The following NASP variants were observed in gnomAD, a reference collection of about 807,000 sequenced individuals.
NASP encodes the protein NASP histone chaperone.
NASP carries 24 observed loss-of-function variants against 89.5 expected under a neutral mutation model. The observed-to-expected ratio is 0.27, with a 90% confidence interval of 0.19 to 0.38. The LOEUF (loss-of-function observed/expected upper bound fraction) is 0.38, where lower values mean the gene tolerates loss of function less well. Ranked by LOEUF, NASP falls within the 10% of genes least tolerant of loss-of-function variation. NASP has a pLI of 1.00. For missense variants in NASP, 848 were observed against 921.4 expected, an observed-to-expected ratio of 0.92 and a Z score of 1.03; for synonymous variants, 306 against 324.7, an observed-to-expected ratio of 0.94 and a Z score of 0.62.
At chr1:45,602,892 T>C (rs552045709) in intron 3 of NASP, among the ~76,000 whole-genome samples, 52 of 152,254 alleles carry the variant, frequency 3.4e-4, no homozygotes, top group African/African-American at 1.2e-3. Flanking sequence ...CCAGAGTGCT[T>C]TGCAAAGGGA....
At chr1:45,596,312 T>C (rs1643693590) in intron 2 of NASP, among the ~76,000 whole-genome samples, 1 of 152,174 alleles carries the variant, frequency 6.6e-6, no homozygotes, top group Non-Finnish European at 1.5e-5. Context: ...CACATTGTCG[T>C]ATACCCAATC....
At position 45,584,065 on chromosome 1, in the gene NASP, T is replaced by A. The variant is rs946367609; in HGVS notation, c.-82T>A. On this transcript the variant is annotated 5_prime_UTR_variant, in exon 1 of 15. Coordinates refer to ENST00000350030, the MANE Select transcript of NASP (RefSeq NM_002482.4). Reference sequence around the variant, plus strand: ...TCTCTAATCTGCCATTTTCTGTCCCTGAGTGAGTCTCTGGCGTCCCAAATT... The same window carrying A: ...TCTCTAATCTGCCATTTTCTGTCCCAGAGTGAGTCTCTGGCGTCCCAAATT... 1 of 1,345,714 alleles carries A rather than the reference T, an allele frequency of 7.4e-7. No individual in the cohort carries two copies. Among genetic ancestry groups the A allele is most frequent in the South Asian group, 1.3e-5 (1 of 78,220 alleles). The allele number at this position is 1,345,714 out of a possible 1,614,324, so 83.4% of individuals were successfully genotyped here. A position where few individuals can be genotyped will look rare whatever the true frequency, so the allele number is the denominator to read the frequency against.
rs1391462016 is a variant in NASP, at chr1:45,618,264, G to T, written c.*123G>T. 6.3e-6 allele frequency: 5 copies of T among 796,596 alleles called. No homozygotes were observed. The highest frequency in any genetic ancestry group is 2.9e-5 in the East Asian group (1 of 34,580). The allele number at this position is 796,596 out of a possible 1,614,324, so 49.3% of individuals were successfully genotyped here. A position where few individuals can be genotyped will look rare whatever the true frequency, so the allele number is the denominator to read the frequency against. On this transcript the variant is annotated 3_prime_UTR_variant, in exon 15 of 15. Coordinates refer to ENST00000350030, the MANE Select transcript of NASP (RefSeq NM_002482.4). Reference sequence around the variant, plus strand: ...GTAAGCAAAGGTTGAGGCTTTGATGGTTTTTTTCTTAATTATTGGCTGAAT... The same window carrying T: ...GTAAGCAAAGGTTGAGGCTTTGATGTTTTTTTTCTTAATTATTGGCTGAAT...
intron 2 of NASP, among the ~76,000 whole-genome samples, chr1:45,595,516 T>G (rs1643674321): frequency 6.6e-6 from 1 of 152,190 alleles, no homozygotes; most frequent in Non-Finnish European, 1.5e-5. Context: ...ATGCTCTTAT[T>G]CAGCAGTTCT....
In NASP at chr1:45,607,401, T is replaced by C. The variant is rs750891273; in HGVS notation, c.490T>C (p.Ser164Pro). ...AGAAGCCAAAAAAACAGAAGACAAG[T>C]CTTTGGCAAAGCCTGAAACTGATAA... ...KEEAKKTEDK[S>P]LAKPETDKEQ... Residue 164 changes from serine to proline, a missense_variant, in exon 6 of 15, where the codon TCT becomes CCT. Ser to Pro is a moderately conservative substitution (Grantham distance 74, BLOSUM62 -1). This residue lies in a region of NASP where 464 missense variants were observed against 469.4 expected (regional missense o/e 0.99). Transcript: ENST00000350030. 1.2e-6 allele frequency: 2 copies of C among 1,613,834 alleles called. No homozygotes were observed. Among genetic ancestry groups the C allele is most frequent in the Non-Finnish European group, 8.5e-7 (1 of 1,179,940 alleles).
Position 45,607,327 on chromosome 1 carries a change from C to T in NASP, c.416C>T (p.Ala139Val). 3 of 1,613,382 alleles carry T rather than the reference C, an allele frequency of 1.9e-6. No individual in the cohort carries two copies. Among genetic ancestry groups the T allele is most frequent in the Non-Finnish European group, 2.5e-6 (3 of 1,179,784 alleles). Residue 139 changes from alanine to valine, a missense_variant, in exon 6 of 15, where the codon GCA (alanine) becomes GTA (valine). Physicochemically the swap from Ala to Val is moderately conservative, Grantham distance 64. Around this residue, in one of 5 missense-constraint regions of NASP, gnomAD observed 464 missense variants for 469.4 expected, o/e 0.99. Transcript: ENST00000350030. ...VENNDNIDEE[A>V]REELREQVYD... ...ATGTTCTTTAACCATGTAGAGGAAG[C>T]AAGGGAAGAGTTGAGAGAACAGGTT... is the stretch of plus-strand genomic sequence containing the variant.
intron 1 of NASP, among the ~76,000 whole-genome samples, chr1:45,590,563 A>AAAAAAG (rs898097768): frequency 1.3e-5 from 2 of 151,232 alleles, no homozygotes; most frequent in African/African-American, 4.8e-5. Context: ...AAAAAAAAAA[A>AAAAAAG]AAAAGAAAAG....
chr1:45,606,370 T>A, intron 4 of NASP, 112 bp from the exon 5 acceptor site: 1 of 673,882 alleles, frequency 1.5e-6, no homozygotes, highest in African/African-American at 1.8e-5. Context: ...TTGTATTGCC[T>A]GCGCTTGGCT....
rs1643933071 is a variant in NASP, at chr1:45,607,737, G to A, written c.826G>A (p.Glu276Lys). 6.2e-7 allele frequency: 1 copy of A among 1,614,042 alleles called. No individual in the cohort carries two copies. Among genetic ancestry groups the A allele is most frequent in the Admixed American group, 1.7e-5 (1 of 60,006 alleles). Residue 276 changes from glutamate to lysine, a missense_variant, in exon 6 of 15, where the codon GAA (glutamate) becomes AAA (lysine). Glu to Lys is a moderately conservative substitution (Grantham distance 56, BLOSUM62 1). Around this residue, in one of 5 missense-constraint regions of NASP, gnomAD observed 464 missense variants for 469.4 expected, o/e 0.99. Coordinates refer to ENST00000350030, the MANE Select transcript of NASP (RefSeq NM_002482.4). ...VIVSIEEKPK[E>K]VSEEQPVVTL... ...TGTGAGCATAGAGGAGAAGCCAAAA[G>A]AAGTTTCAGAAGAGCAGCCTGTGGT...
At chr1:45,584,332 TTCGG>T (rs57257530) in intron 1 of NASP, 127 bp downstream of exon 1, 605,334 of 867,408 alleles carry the variant, frequency 0.7, 211,222 homozygotes, top group Non-Finnish European at 0.7. Context: ...GCTGTCGCTG[TTCGG>T]GAAGGCCTGG....
rs1375366938 is a variant in NASP, at chr1:45,599,951, G to GTTTTTTTTTTTTTTTT, written c.108-2303_108-2302insTTTTTTTTTTTTTTTT. Among the ~76,000 whole-genome samples, 6 of 101,936 alleles carry GTTTTTTTTTTTTTTTT rather than the reference G, an allele frequency of 5.9e-5. 1 individual carries two copies. Among genetic ancestry groups the GTTTTTTTTTTTTTTTT allele is most frequent in the African/African-American group, 2.2e-4 (5 of 23,180 alleles). 66.9% of individuals were successfully genotyped at this position (101,936 alleles called of 152,430 possible). ...CTCTGTCCTAGAGTGCTTTTCCTCTGTATTTTTTTTTTTTTTTTTTTTTTG... is the reference window on the plus strand; with the variant it reads ...CTCTGTCCTAGAGTGCTTTTCCTCTGTTTTTTTTTTTTTTTTTATTTTTTTTTTTTTTTTTTTTTTG... On this transcript the variant is annotated intron_variant, in intron 2 of 14. Coordinates refer to ENST00000350030, the MANE Select transcript of NASP (RefSeq NM_002482.4).
In NASP at chr1:45,618,224, A is replaced by C. The variant is rs889128260; in HGVS notation, c.*83A>C. On this transcript the variant is annotated 3_prime_UTR_variant, in exon 15 of 15. Transcript: ENST00000350030. Reference sequence around the variant, plus strand: ...ACTTTTGGAGGATTCTTTTTGTATAACTTCAATAAAGATTGTAAGCAAAGG... The same window carrying C: ...ACTTTTGGAGGATTCTTTTTGTATACCTTCAATAAAGATTGTAAGCAAAGG... The C allele has an allele frequency of 1.7e-5, 19 of 1,115,090 alleles. No individual in the cohort carries two copies. The African/African-American group carries it at 1.9e-4, about 11-fold the overall frequency. 69.1% of individuals were successfully genotyped at this position (1,115,090 alleles called of 1,614,324 possible). A position where few individuals can be genotyped will look rare whatever the true frequency, so the allele number is the denominator to read the frequency against.
chr1:45,606,922 G>A (rs375567931), intron 5 of NASP, among the ~76,000 whole-genome samples: 7 of 152,140 alleles, frequency 4.6e-5, no homozygotes, highest in African/African-American at 1.7e-4. Flanking sequence ...TAAACAGCCT[G>A]TGCAGTTCAG....
intron 12 of NASP, 88 bp downstream of exon 12, chr1:45,616,481 C>T: frequency 1.3e-6 from 2 of 1,525,382 alleles, no homozygotes; most frequent in Admixed American, 1.7e-5. Context: ...GAGGCCAAGG[C>T]AGGAAGATTG....
Position 45,615,438 on chromosome 1 carries a change from G to A in NASP, c.1989G>A (p.Gly663=). Residue 663 remains glycine, a synonymous_variant, in exon 11 of 15, where the codon GGG becomes GGA. Coordinates refer to ENST00000350030, the MANE Select transcript of NASP (RefSeq NM_002482.4). ...IEDAKESQRS[G]NVAELALKAT... is the part of the protein sequence containing the mutation. ...ATGCAAAGGAGTCTCAGCGTAGTGG[G>A]AATGTAGCTGAACTGGCTCTGAAAG... is the stretch of plus-strand genomic sequence containing the variant. 6.2e-7 allele frequency: 1 copy of A among 1,613,862 alleles called. No homozygotes were observed. The highest frequency in any genetic ancestry group is 1.3e-5 in the African/African-American group (1 of 75,002).
At position 45,602,603 on chromosome 1, in the gene NASP, A is replaced by ACACCTTACC. The variant is rs534980549; in HGVS notation, c.218+244_218+245insACCCACCTT. 9.2e-5 allele frequency among the ~76,000 whole-genome samples: 14 copies of ACACCTTACC among 152,204 alleles called. No individual in the cohort carries two copies. In the South Asian group the frequency reaches 2.9e-3, roughly 32 times the overall value. ...CCAGTCACTACTAATTTGGGTGACC[A>ACACCTTACC]CACCTTGTCCTGGTTTATCTAGGAC... is the stretch of plus-strand genomic sequence containing the variant. On this transcript the variant is annotated intron_variant, in intron 3 of 14. Transcript: ENST00000350030.
chr1:45,614,864 C>CT (rs1454884257), intron 9 of NASP, 149 bp from the exon 10 acceptor site: 6 of 734,122 alleles, frequency 8.2e-6, no homozygotes, highest in South Asian at 2.0e-5. Flanking sequence ...GTCATTTTGA[C>CT]TTTCTTTATA....
rs531052032 is a variant in NASP, at chr1:45,606,156, A to G, written c.300-326A>G. 2.0e-5 allele frequency among the ~76,000 whole-genome samples: 3 copies of G among 152,314 alleles called. No homozygotes were observed. In the East Asian group the frequency reaches 5.8e-4, roughly 29 times the overall value. ...AAATCTTGCTAGAGTATTTTTGGCT[A>G]TTTAGAGAAATCGGGTGGATACAAA... On this transcript the variant is annotated intron_variant, in intron 4 of 14. Coordinates refer to ENST00000350030, the MANE Select transcript of NASP (RefSeq NM_002482.4).
At chr1:45,609,236 G>A in intron 6 of NASP, 1 of 152,064 alleles carries the variant, frequency 6.6e-6, no homozygotes, top group Admixed American at 6.5e-5. Context: ...AATAACCACA[G>A]GTATATTCCA....
Sources: allele counts gnomAD v4.1 joint callset (sites outside exome capture counted in the v4.1 genomes callset), GRCh38; gene constraint gnomAD v4.1.1; regional missense constraint gnomAD v4.1.1; transcripts MANE v1.5; gene names NCBI Gene and HGNC (gene_info 2026-07-23, HGNC 2026-07-21).